NXPE2: variants seen among roughly 807,000 people sequenced by gnomAD.
NXPE2 encodes NXPE family member 2.
Under a neutral mutation model 34.4 loss-of-function variants are expected in NXPE2, and 34 were observed. The ratio of observed to expected loss-of-function variants is 0.99; its 90% confidence interval spans 0.75 to 1.31. The LOEUF is 1.31. Ranked by LOEUF, NXPE2 falls within the 40% of genes most tolerant of loss-of-function variation. The pLI is 0.00. For synonymous variants in NXPE2, 235 were observed against 231.3 expected (o/e 1.02, Z -0.15); for missense variants, 649 against 672.5 (o/e 0.97, Z 0.39).
At chr11:114,613,481 C>T in the NXPE2 span, among the ~76,000 whole-genome samples, 3 of 151,776 alleles carry the variant, frequency 2.0e-5, no homozygotes, top group African/African-American at 4.8e-5. Context: ...AGTATTGCCT[C>T]GTGGGTAACC....
At chr11:114,693,158 C>A (rs1182014673) in intron 2 of NXPE2, among the ~76,000 whole-genome samples, 1 of 152,144 alleles carries the variant, frequency 6.6e-6, no homozygotes, top group Admixed American at 6.5e-5. Flanking sequence ...CTTTGTCAGG[C>A]CTTTTAAAAA....
the NXPE2 span, among the ~76,000 whole-genome samples, chr11:114,754,130 A>G: frequency 6.6e-6 from 1 of 152,238 alleles, no homozygotes; most frequent in Non-Finnish European, 1.5e-5. Context: ...AGAAAATACT[A>G]TAATGATTAT....
chr11:114,530,480 G>A, the NXPE2 span: 1 of 1,614,232 alleles, frequency 6.2e-7, no homozygotes, highest in Non-Finnish European at 8.5e-7. Context: ...GAGACAGGGA[G>A]ACCTGGCCCT....
chr11:114,654,971 T>C, the NXPE2 span, among the ~76,000 whole-genome samples: 1 of 152,178 alleles, frequency 6.6e-6, no homozygotes, highest in Non-Finnish European at 1.5e-5. Context: ...TCTACAGCCT[T>C]GCCAGCACCT....
the NXPE2 span, among the ~76,000 whole-genome samples, chr11:114,762,041 T>C: frequency 1.3e-5 from 2 of 152,074 alleles, no homozygotes; most frequent in African/African-American, 4.8e-5. Flanking sequence ...CAGAAGTAAA[T>C]GGACATTCCA....
At chr11:114,589,050 T>C in the NXPE2 span, among the ~76,000 whole-genome samples, 1 of 152,128 alleles carries the variant, frequency 6.6e-6, no homozygotes, top group Non-Finnish European at 1.5e-5. Context: ...CTTTGCAGGC[T>C]TGCAAAGTCT....
the NXPE2 span, among the ~76,000 whole-genome samples, chr11:114,632,881 T>C: frequency 1.1e-5 from 1 of 87,034 alleles, no homozygotes; most frequent in Non-Finnish European, 1.9e-5. Context: ...TATATAATTA[T>C]ATATTATATA....
chr11:114,674,108 A>G (rs1209360400), upstream of NXPE2, among the ~76,000 whole-genome samples: 1 of 106,238 alleles, frequency 9.4e-6, no homozygotes, highest in East Asian at 5.5e-4. Context: ...CAAACAAACA[A>G]ACAAACAAAC....
the NXPE2 span, among the ~76,000 whole-genome samples, chr11:114,760,855 C>T: frequency 6.6e-6 from 1 of 152,174 alleles, no homozygotes; most frequent in African/African-American, 2.4e-5. Flanking sequence ...TTCCACATCC[C>T]TCCTCTAATA....
chr11:114,479,142 C>T, the NXPE2 span, among the ~76,000 whole-genome samples: 272 of 152,300 alleles, frequency 1.8e-3, 1 homozygote, highest in African/African-American at 6.4e-3. Context: ...TTGATTCTTT[C>T]GGTTTGGTGC....
chr11:114,612,934 A>C, the NXPE2 span, among the ~76,000 whole-genome samples: 2 of 151,760 alleles, frequency 1.3e-5, no homozygotes. Context: ...GTTGCATCGC[A>C]TGTATCCACT....
At chr11:114,573,078 A>G in the NXPE2 span, among the ~76,000 whole-genome samples, 1 of 152,188 alleles carries the variant, frequency 6.6e-6, no homozygotes, top group Non-Finnish European at 1.5e-5. Context: ...AAACAAAAAA[A>G]TTATCAGTCA....
chr11:114,807,406 A>G, the NXPE2 span, among the ~76,000 whole-genome samples: 5 of 152,176 alleles, frequency 3.3e-5, no homozygotes, highest in African/African-American at 1.2e-4. Context: ...CAAATTGGAT[A>G]AAGAGTCAAG....
chr11:114,589,945 C>T, the NXPE2 span, among the ~76,000 whole-genome samples: 2 of 152,132 alleles, frequency 1.3e-5, no homozygotes, highest in East Asian at 1.9e-4. Flanking sequence ...AATCCAAATG[C>T]CTGAGGGAAC....
chr11:114,647,110 C>T, the NXPE2 span, among the ~76,000 whole-genome samples: 20 of 152,152 alleles, frequency 1.3e-4, no homozygotes, highest in African/African-American at 4.8e-4. Flanking sequence ...AACATGAGCC[C>T]TCATAAGTTG....
chr11:114,695,407 C>T lies in NXPE2; in HGVS notation c.133-2638C>T, dbSNP rs144463327. Among the ~76,000 whole-genome samples the T allele has an allele frequency of 9.2e-5, 14 of 152,200 alleles. No homozygotes were observed. The East Asian group carries it at 1.4e-3, about 15-fold the overall frequency. ...TCAGCTTCCTGTTTTCCTATACCCA[C>T]GTCTATCCTTAGGTGAAATAAGAAG... On this transcript the variant is annotated intron_variant, in intron 2 of 5. Transcript: ENST00000389586.
the NXPE2 span, among the ~76,000 whole-genome samples, chr11:114,812,992 CG>C: frequency 8.8e-4 from 134 of 152,198 alleles, no homozygotes; most frequent in Non-Finnish European, 3.7e-4. Flanking sequence ...GGAGAGAGGC[CG>C]GCAGCGAGGT....
intron 2 of NXPE2, among the ~76,000 whole-genome samples, chr11:114,696,138 A>G (rs901385878): frequency 1.3e-5 from 2 of 152,106 alleles, no homozygotes; most frequent in Non-Finnish European, 2.9e-5. Context: ...AGAGTTTAAG[A>G]CCAGCCTGGG....
chr11:114,479,629 C>T, the NXPE2 span, among the ~76,000 whole-genome samples: 1 of 151,996 alleles, frequency 6.6e-6, no homozygotes, highest in African/African-American at 2.4e-5. Flanking sequence ...GACACCGAGT[C>T]AGCCATGCAG....
Sources: gnomAD v4.1 joint callset for allele counts (sites outside exome capture counted in the v4.1 genomes callset) on GRCh38, gnomAD v4.1.1 for gene constraint, MANE v1.5 for transcripts, NCBI Gene and HGNC (gene_info 2026-07-23, HGNC 2026-07-21) for gene names.